The following IMMP2L variants were observed in gnomAD, a reference collection of about 807,000 sequenced individuals.
The protein encoded by IMMP2L is inner mitochondrial membrane peptidase subunit 2, also known as mitochondrial inner membrane protease subunit 2.
A neutral mutation model predicts 19.3 loss-of-function variants in IMMP2L; 18 were observed. The observed-to-expected ratio is 0.93, with a 90% CI of 0.64 to 1.38. The LOEUF (loss-of-function observed/expected upper bound fraction) is 1.38. Ranked by LOEUF, IMMP2L falls within the 40% of genes most tolerant of loss-of-function variation. The probability of loss-of-function intolerance (pLI) is 0.00; values close to 1 mark genes in which losing one functional copy is unlikely to be tolerated. For synonymous variants in IMMP2L, 76 were observed against 73.0 expected (o/e 1.04, Z -0.21); for missense variants, 233 against 218.2 (o/e 1.07, Z -0.43).
At position 110,683,019 on chromosome 7, in the gene IMMP2L, G is replaced by T. The variant is rs534523204; in HGVS notation, c.409-19298C>A. Among the ~76,000 whole-genome samples, 3 of 152,086 alleles carry T rather than the reference G, an allele frequency of 2.0e-5. No individual in the cohort carries two copies. In the East Asian group the frequency reaches 5.8e-4, roughly 29 times the overall value. ...AGCATTGCTCTGCTTATAAAAAGGG[G>T]GCCATTGAGATTAGTGCACAACAAA... is the stretch of plus-strand genomic sequence containing the variant. On this transcript the variant is annotated intron_variant, in intron 5 of 5. Coordinates refer to ENST00000405709, the MANE Select transcript of IMMP2L (RefSeq NM_032549.4).
intron 4 of IMMP2L, among the ~76,000 whole-genome samples, chr7:110,908,375 G>A (rs544485519): frequency 4.6e-5 from 7 of 152,176 alleles, no homozygotes; most frequent in East Asian, 1.9e-4. Flanking sequence ...TGAACTTGCC[G>A]GATAACTGAT....
At chr7:111,183,816 A>T (rs1807975713) in intron 3 of IMMP2L, among the ~76,000 whole-genome samples, 2 of 152,236 alleles carry the variant, frequency 1.3e-5, no homozygotes, top group South Asian at 4.1e-4. Context: ...TATCTGACAT[A>T]AAACAAAAGA....
rs144695323 is a variant in IMMP2L, at chr7:111,302,793, G to T, written c.239+184445C>A. Among the ~76,000 whole-genome samples the T allele has an allele frequency of 3.2e-3, 493 of 151,932 alleles. 2 individuals carry two copies. Among genetic ancestry groups the T allele is most frequent in the African/African-American group, 0.011 (466 of 41,334 alleles). On this transcript the variant is annotated intron_variant, in intron 3 of 5. Coordinates refer to ENST00000405709, the MANE Select transcript of IMMP2L (RefSeq NM_032549.4). Reference sequence around the variant, plus strand: ...GGTGACTTATAGTTTAAGTTCCAAAGAAAAATATTGCCATATAAGGAAAGG... The same window carrying T: ...GGTGACTTATAGTTTAAGTTCCAAATAAAAATATTGCCATATAAGGAAAGG...
rs1002812213 is a variant in IMMP2L, at chr7:111,273,433, C to T, written c.239+213805G>A. Among the ~76,000 whole-genome samples, 33 of 151,998 alleles carry T rather than the reference C, an allele frequency of 2.2e-4. No homozygotes were observed. The South Asian group carries it at 2.5e-3, about 11-fold the overall frequency. On this transcript the variant is annotated intron_variant, in intron 3 of 5. Transcript: ENST00000405709. ...CATAATAAGGAGGTTACCATGAGCT[C>T]ATAGCCTAACAGGAAAAATATGGAA...
At chr7:111,314,014 T>A (rs188730771) in intron 3 of IMMP2L, among the ~76,000 whole-genome samples, 21 of 152,262 alleles carry the variant, frequency 1.4e-4, no homozygotes, top group African/African-American at 5.1e-4. Context: ...TTTTGCTGTG[T>A]GAAGTGCCTG....
chr7:110,950,301 T>C (rs1310782611), intron 4 of IMMP2L, among the ~76,000 whole-genome samples: 2 of 152,170 alleles, frequency 1.3e-5, no homozygotes, highest in East Asian at 1.9e-4. Context: ...AGTGTCTCTA[T>C]TCTGTTTCAT....
rs182423868 is a variant in IMMP2L, at chr7:111,295,018, T to C, written c.239+192220A>G. ...CAGCCCTTATGACTTGAAACATCTGTTCGATACAAGTTTTCTGATAATATG... is the reference window on the plus strand; with the variant it reads ...CAGCCCTTATGACTTGAAACATCTGCTCGATACAAGTTTTCTGATAATATG... On this transcript the variant is annotated intron_variant, in intron 3 of 5. Coordinates refer to ENST00000405709, the MANE Select transcript of IMMP2L (RefSeq NM_032549.4). Among the ~76,000 whole-genome samples, 363 of 151,950 alleles carry C rather than the reference T, an allele frequency of 2.4e-3. 6 individuals carry two copies. The highest frequency in any genetic ancestry group is 2.9e-3 in the Non-Finnish European group (196 of 67,796).
chr7:111,133,773 A>G (rs1156526695), intron 3 of IMMP2L, among the ~76,000 whole-genome samples: 5 of 152,002 alleles, frequency 3.3e-5, no homozygotes, highest in Admixed American at 1.3e-4. Context: ...GAAAATAGAC[A>G]TAGGCACACT....
intron 5 of IMMP2L, among the ~76,000 whole-genome samples, chr7:110,806,762 T>A (rs1347358512): frequency 6.6e-6 from 1 of 152,038 alleles, no homozygotes; most frequent in Non-Finnish European, 1.5e-5. Context: ...TTTCTTTTTT[T>A]AAATCCCCCT....
At chr7:111,485,695 T>C (rs1842599986) in intron 3 of IMMP2L, among the ~76,000 whole-genome samples, 1 of 151,068 alleles carries the variant, frequency 6.6e-6, no homozygotes, top group Non-Finnish European at 1.5e-5. Context: ...TTGAAGTTAA[T>C]GTATATAATA....
chr7:110,698,794 G>A (rs76285377), intron 5 of IMMP2L, among the ~76,000 whole-genome samples: 1,835 of 152,270 alleles, frequency 0.012, 34 homozygotes, highest in African/African-American at 0.042. Context: ...CATCATTTGA[G>A]TCATCACTTG....
chr7:111,085,550 T>C (rs186246684), intron 3 of IMMP2L, among the ~76,000 whole-genome samples: 53 of 152,336 alleles, frequency 3.5e-4, no homozygotes, highest in Admixed American at 5.9e-4. Context: ...TACCACATTG[T>C]GGTTTCTATT....
intron 3 of IMMP2L, among the ~76,000 whole-genome samples, chr7:111,006,313 G>A (rs1256826650): frequency 6.6e-6 from 1 of 152,088 alleles, no homozygotes; most frequent in Non-Finnish European, 1.5e-5. Context: ...TAACTGGCAA[G>A]GATATAGGAG....
chr7:111,455,660 AG>A (rs1326386302), intron 3 of IMMP2L, among the ~76,000 whole-genome samples: 3 of 126,628 alleles, frequency 2.4e-5, no homozygotes, highest in African/African-American at 9.1e-5. Flanking sequence ...TTTATCAATT[AG>A]ATTTCATTTT....
At chr7:111,089,801 G>C (rs1159775086) in intron 3 of IMMP2L, among the ~76,000 whole-genome samples, 3 of 151,932 alleles carry the variant, frequency 2.0e-5, no homozygotes, top group East Asian at 1.9e-4. Context: ...TTTGGGAACT[G>C]TTTCTAGAAA....
intron 3 of IMMP2L, among the ~76,000 whole-genome samples, chr7:111,159,272 C>A (rs933177209): frequency 2.0e-5 from 3 of 151,992 alleles, no homozygotes; most frequent in African/African-American, 7.3e-5. Context: ...TCTGCCACCA[C>A]GCCCAGCTAA....
At chr7:110,907,212 C>T (rs1483757652) in intron 4 of IMMP2L, among the ~76,000 whole-genome samples, 1 of 152,054 alleles carries the variant, frequency 6.6e-6, no homozygotes, top group Non-Finnish European at 1.5e-5. Context: ...CTTACGGCAC[C>T]CAAGTTTTTG....
chr7:111,209,859 A>G (rs1229927435), intron 3 of IMMP2L, among the ~76,000 whole-genome samples: 1 of 152,130 alleles, frequency 6.6e-6, no homozygotes, highest in Admixed American at 6.5e-5. Flanking sequence ...TAAAAGAAAA[A>G]TGACTCAGAT....
intron 4 of IMMP2L, among the ~76,000 whole-genome samples, chr7:110,903,907 T>C (rs1388615237): frequency 1.3e-5 from 2 of 152,288 alleles, no homozygotes; most frequent in East Asian, 3.9e-4. Context: ...GTTTTTATAA[T>C]AGTCATCCTC....
Sources: allele counts gnomAD v4.1 joint callset (sites outside exome capture counted in the v4.1 genomes callset), GRCh38; gene constraint gnomAD v4.1.1; transcripts MANE v1.5; gene names NCBI Gene and HGNC (gene_info 2026-07-23, HGNC 2026-07-21).